The following PRKAR1A variants were observed in gnomAD, a reference collection of about 807,000 sequenced individuals.
PRKAR1A encodes the protein protein kinase cAMP-dependent type I regulatory subunit alpha, also known as cAMP-dependent protein kinase type I-alpha regulatory subunit.
In PRKAR1A, 3 loss-of-function variants were observed where a neutral mutation model predicts 52.0. That is an observed-to-expected ratio of 0.06 (90% CI 0.03 to 0.15). The LOEUF is 0.15. PRKAR1A is among the 10% of genes least tolerant of loss of function. The pLI, the probability that PRKAR1A is intolerant of heterozygous loss-of-function variation, is 1.00. For missense variants in PRKAR1A, 240 were observed against 477.4 expected (o/e 0.50, Z 4.63); for synonymous variants, 188 against 168.4 (o/e 1.12, Z -0.90).
chr17:68,437,012 A>ATGTGTGTGTGTGTGTG, the PRKAR1A span, among the ~76,000 whole-genome samples: 127 of 82,064 alleles, frequency 1.5e-3, no homozygotes, highest in African/African-American at 5.5e-3. Flanking sequence ...AAAAATATAT[A>ATGTGTGTGTGTGTGTG]TATATGTGTG....
chr17:68,474,086 G>A, the PRKAR1A span, among the ~76,000 whole-genome samples: 1 of 152,036 alleles, frequency 6.6e-6, no homozygotes, highest in Non-Finnish European at 1.5e-5. Flanking sequence ...TTCATACTCA[G>A]TTGATCATTG....
downstream of PRKAR1A, chr17:68,536,428 C>T (rs1165699504): frequency 6.6e-6 from 3 of 454,004 alleles, no homozygotes; most frequent in East Asian, 2.1e-4. Context: ...CAGATATCAA[C>T]AAGTCAGGGA....
chr17:68,439,510 A>G, the PRKAR1A span, among the ~76,000 whole-genome samples: 6,359 of 152,218 alleles, frequency 0.042, 407 homozygotes, highest in African/African-American at 0.13. Context: ...TAGAGGTACA[A>G]GGTTTGGGGC....
chr17:68,525,013 G>C (rs1320703348), intron 6 of PRKAR1A, 55 bp downstream of exon 6: 1 of 1,391,498 alleles, frequency 7.2e-7, no homozygotes, highest in Non-Finnish European at 1.0e-6. Context: ...TGTATTGATC[G>C]CTTCCGAGCA....
At chr17:68,504,996 A>G in the PRKAR1A span, among the ~76,000 whole-genome samples, 1 of 152,262 alleles carries the variant, frequency 6.6e-6, no homozygotes, top group East Asian at 1.9e-4. Flanking sequence ...ATAGGGAGAA[A>G]GTATAGAAAT....
chr17:68,482,691 A>G, the PRKAR1A span, among the ~76,000 whole-genome samples: 1 of 152,362 alleles, frequency 6.6e-6, no homozygotes, highest in East Asian at 1.9e-4. Context: ...GGTAAAAAGA[A>G]TGGGCAGAAA....
At chr17:68,550,581 A>G (rs1310640106) in intron 11 of PRKAR1A, among the ~76,000 whole-genome samples, 2 of 152,038 alleles carry the variant, frequency 1.3e-5, no homozygotes, top group African/African-American at 2.4e-5. Flanking sequence ...GGGTTTCACC[A>G]TGATGGCCAG....
the PRKAR1A span, among the ~76,000 whole-genome samples, chr17:68,468,637 T>G: frequency 6.6e-6 from 1 of 152,222 alleles, no homozygotes. Flanking sequence ...TTTTCCTTAT[T>G]GATTGCAAAT....
chr17:68,445,104 G>A, the PRKAR1A span, among the ~76,000 whole-genome samples: 2 of 152,130 alleles, frequency 1.3e-5, no homozygotes, highest in South Asian at 4.2e-4. Flanking sequence ...ATTTTTAGTA[G>A]AGACGGGGTT....
the PRKAR1A span, chr17:68,420,735 C>T: frequency 2.1e-6 from 1 of 472,206 alleles, no homozygotes; most frequent in Non-Finnish European, 3.8e-6. Context: ...AGCTTTTGAA[C>T]TTGGGCAATT....
At chr17:68,490,633 G>A in the PRKAR1A span, among the ~76,000 whole-genome samples, 5 of 152,026 alleles carry the variant, frequency 3.3e-5, no homozygotes, top group African/African-American at 1.2e-4. Context: ...ACTTTTCCCA[G>A]TTTTGGGGAT....
chr17:68,494,919 C>T, the PRKAR1A span, among the ~76,000 whole-genome samples: 1 of 152,200 alleles, frequency 6.6e-6, no homozygotes, highest in Non-Finnish European at 1.5e-5. Context: ...CTTATGTTAA[C>T]TTGTTAGATA....
At chr17:68,425,642 A>T in the PRKAR1A span, among the ~76,000 whole-genome samples, 2 of 152,182 alleles carry the variant, frequency 1.3e-5, no homozygotes, top group African/African-American at 2.4e-5. Context: ...AGTCCTGAAC[A>T]CACAGCCCAG....
At chr17:68,428,853 T>A in the PRKAR1A span, 3 of 1,613,984 alleles carry the variant, frequency 1.9e-6, no homozygotes, top group Non-Finnish European at 2.5e-6. Context: ...TAAGACACAC[T>A]CTCCTCCATC....
the PRKAR1A span, among the ~76,000 whole-genome samples, chr17:68,432,880 C>T: frequency 6.6e-6 from 1 of 152,200 alleles, no homozygotes; most frequent in African/African-American, 2.4e-5. Context: ...TTTCCAACCC[C>T]CATTCTGCAC....
the PRKAR1A span, among the ~76,000 whole-genome samples, chr17:68,465,087 G>A: frequency 1.3e-4 from 10 of 77,224 alleles, 1 homozygote; most frequent in Admixed American, 9.8e-4. Flanking sequence ...CACCACGCCC[G>A]GCTAATTTTT....
chr17:68,500,375 G>C, the PRKAR1A span, among the ~76,000 whole-genome samples: 2 of 152,112 alleles, frequency 1.3e-5, no homozygotes, highest in Non-Finnish European at 1.5e-5. Flanking sequence ...CTTTCACTTT[G>C]TTCTCATTTT....
At chr17:68,520,199 C>T (rs1172209072) in intron 2 of PRKAR1A, among the ~76,000 whole-genome samples, 1 of 152,190 alleles carries the variant, frequency 6.6e-6, no homozygotes, top group East Asian at 1.9e-4. Context: ...ATGGCATGTC[C>T]ACTTACATTC....
At chr17:68,545,318 C>T (rs1249591869) in intron 11 of PRKAR1A, among the ~76,000 whole-genome samples, 3 of 152,136 alleles carry the variant, frequency 2.0e-5, no homozygotes, top group African/African-American at 4.8e-5. Context: ...AGACACACTT[C>T]GGAGATATTG....
Sources: allele counts gnomAD v4.1 joint callset (sites outside exome capture counted in the v4.1 genomes callset), GRCh38; gene constraint gnomAD v4.1.1; transcripts MANE v1.5; gene names NCBI Gene and HGNC (gene_info 2026-07-23, HGNC 2026-07-21).